CLCN4: variants seen among roughly 807,000 people sequenced by gnomAD.
The protein encoded by CLCN4 is Cl-/H+ antiporter 4.
CLCN4 carries 1 observed loss-of-function variant against 41.7 expected under a neutral mutation model. The ratio of observed to expected loss-of-function variants is 0.02; its 90% CI spans 0.01 to 0.11. CLCN4 has a LOEUF of 0.11. CLCN4 is among the 10% of genes least tolerant of loss of function. CLCN4 has a pLI of 1.00. For synonymous variants in CLCN4, 277 were observed against 285.8 expected (o/e 0.97, Z 0.31); for missense variants, 287 against 661.0 (o/e 0.43, Z 6.20).
At chrX:10,207,938 T>C (rs1008318120) in intron 8 of CLCN4, 107 bp from the exon 9 acceptor site, 4 of 638,835 alleles carry the variant, frequency 6.3e-6, no homozygotes, top group South Asian at 2.7e-5. Context: ...ATGGAATGAG[T>C]GTGTCCACTC....
chrX:10,207,906 T>C (rs758757447), intron 8 of CLCN4, 139 bp from the exon 9 acceptor site: 2 of 513,131 alleles, frequency 3.9e-6, no homozygotes, highest in Non-Finnish European at 6.7e-6. Context: ...TGATGCGTTT[T>C]GGTCACATTA....
At chrX:10,209,673 T>C (rs975419421) in intron 9 of CLCN4, among the ~76,000 whole-genome samples, 2 of 111,624 alleles carry the variant, frequency 1.8e-5, no homozygotes, top group Admixed American at 9.5e-5. Context: ...CAACAGCACA[T>C]GCCTTCATTA....
At chrX:10,164,843 A>C (rs1923203565) in intron 2 of CLCN4, among the ~76,000 whole-genome samples, 1 of 112,187 alleles carries the variant, frequency 8.9e-6, no homozygotes, top group Non-Finnish European at 1.9e-5. Flanking sequence ...GACACCTGAA[A>C]AGCTCTCTTT....
At chrX:10,214,593 C>G (rs1026679463) in intron 11 of CLCN4, among the ~76,000 whole-genome samples, 2 of 112,982 alleles carry the variant, frequency 1.8e-5, no homozygotes, top group African/African-American at 6.4e-5. Flanking sequence ...TTTTGCTTCA[C>G]TTTGTGATAT....
intron 12 of CLCN4, among the ~76,000 whole-genome samples, chrX:10,225,986 G>A (rs990362622): frequency 2.7e-5 from 3 of 111,600 alleles, no homozygotes; most frequent in African/African-American, 9.8e-5. Context: ...TGGCCATGTA[G>A]TATAGTTTGA....
intron 5 of CLCN4, among the ~76,000 whole-genome samples, chrX:10,196,006 G>A (rs1379460373): frequency 8.9e-6 from 1 of 112,241 alleles, no homozygotes; most frequent in Non-Finnish European, 1.9e-5. Flanking sequence ...TGGAGTTGCT[G>A]GGTCAGATGG....
chrX:10,222,783 G>C (rs951085464), intron 12 of CLCN4, among the ~76,000 whole-genome samples: 6 of 111,900 alleles, frequency 5.4e-5, no homozygotes, highest in Admixed American at 2.8e-4. Flanking sequence ...GCACACAGGG[G>C]GACAGGCTTT....
chrX:10,159,936 C>T (rs749368686), intron 2 of CLCN4, among the ~76,000 whole-genome samples: 1 of 110,944 alleles, frequency 9.0e-6, no homozygotes, highest in East Asian at 2.8e-4. Flanking sequence ...TCGACTATCT[C>T]GTCCTCAAAG....
chrX:10,234,880 G>C lies in CLCN4; in HGVS notation c.*1296G>C, dbSNP rs900401789. On this transcript the variant is annotated 3_prime_UTR_variant, in exon 13 of 13. Coordinates refer to ENST00000380833, the MANE Select transcript of CLCN4 (RefSeq NM_001830.4). ...CGGGAAGGAATTAAGCTATGTATTA[G>C]GTCCACCATACGATCTGTGTAAGTA... The C allele has an allele frequency of 8.9e-5, 10 of 112,115 alleles. No homozygotes were observed. The highest frequency in any genetic ancestry group is 1.5e-4 in the Non-Finnish European group (8 of 53,234). 9.2% of individuals were successfully genotyped at this position (112,115 alleles called of 1,213,427 possible).
rs188016571 is a variant in CLCN4 at position 10,168,284 on chromosome X, A to T, written c.-12+9733A>T. On this transcript the variant is annotated intron_variant, in intron 2 of 12. Coordinates refer to ENST00000380833, the MANE Select transcript of CLCN4 (RefSeq NM_001830.4). ...GGCATTCGGCCTTTGCAGATGCGGGATGTCATTTTTGATGCGAGCAGCCCC... is the reference window on the plus strand; with the variant it reads ...GGCATTCGGCCTTTGCAGATGCGGGTTGTCATTTTTGATGCGAGCAGCCCC... Among the ~76,000 whole-genome samples, 39 of 111,305 alleles carry T rather than the reference A, an allele frequency of 3.5e-4. No individual in the cohort carries two copies. In the East Asian group the frequency reaches 0.01, roughly 29 times the overall value.
Position 10,198,007 on chromosome X carries a change from T to C in CLCN4, c.501T>C (p.Ala167=). 1.7e-6 allele frequency: 2 copies of C among 1,211,060 alleles called. No homozygotes were observed. Among genetic ancestry groups the C allele is most frequent in the East Asian group, 3.0e-5 (1 of 33,835 alleles). ...GGGCGCTGCTGTTTGCATTTTTGGC[T>C]GTCTCCCTGGTGCGTGTATTTGCAC... ...ILWALLFAFL[A]VSLVRVFAPY... is the part of the protein sequence containing the mutation. The change falls in exon 6 of 13, where the codon GCT becomes GCC. Residue 167 remains alanine (A), a synonymous_variant. Transcript: ENST00000380833.
chrX:10,209,272 C>CCTCG (rs1924477307), intron 9 of CLCN4, among the ~76,000 whole-genome samples: 3 of 83,425 alleles, frequency 3.6e-5, no homozygotes, highest in African/African-American at 1.6e-4. Context: ...TTTCCTCCTC[C>CCTCG]CTCCCTCCCT....
At chrX:10,162,983 T>C (rs1714775811) in intron 2 of CLCN4, among the ~76,000 whole-genome samples, 1 of 113,307 alleles carries the variant, frequency 8.8e-6, no homozygotes, top group Admixed American at 9.3e-5. Flanking sequence ...TTCTGTGTAA[T>C]TGAAAATGTT....
chrX:10,215,131 T>A (rs777641823), intron 11 of CLCN4, among the ~76,000 whole-genome samples: 1 of 112,113 alleles, frequency 8.9e-6, no homozygotes, highest in South Asian at 3.7e-4. Context: ...ACTATATATC[T>A]TCTAGAGTAT....
At chrX:10,207,917 A>G (rs2147179395) in intron 8 of CLCN4, 128 bp from the exon 9 acceptor site, 1 of 563,115 alleles carries the variant, frequency 1.8e-6, no homozygotes, top group East Asian at 3.3e-5. Context: ...GGTCACATTA[A>G]GTCCAGGCTC....
At chrX:10,168,936 T>C (rs1923313779) in intron 2 of CLCN4, among the ~76,000 whole-genome samples, 1 of 111,018 alleles carries the variant, frequency 9.0e-6, no homozygotes, top group African/African-American at 3.3e-5. Flanking sequence ...GATGGAGTGG[T>C]ACCTCTTTCC....
At chrX:10,219,845 T>C (rs1326660849) in intron 11 of CLCN4, among the ~76,000 whole-genome samples, 1 of 112,026 alleles carries the variant, frequency 8.9e-6, no homozygotes, top group East Asian at 2.8e-4. Flanking sequence ...TGGAGAAATA[T>C]CTTGAGACCG....
chrX:10,212,416 C>G, intron 9 of CLCN4, 51 bp from the exon 10 acceptor site: 1 of 1,132,920 alleles, frequency 8.8e-7, no homozygotes, highest in Non-Finnish European at 1.2e-6. Context: ...GGTCGTGAAG[C>G]GGGGACTTGG....
At chrX:10,190,211 TA>T (rs1415807441) in intron 4 of CLCN4, among the ~76,000 whole-genome samples, 1 of 111,527 alleles carries the variant, frequency 9.0e-6, no homozygotes, top group Non-Finnish European at 1.9e-5. Flanking sequence ...TCAAAATTGC[TA>T]AAAGAGTAGA....
Sources: allele counts gnomAD v4.1 joint callset (sites outside exome capture counted in the v4.1 genomes callset), GRCh38; gene constraint gnomAD v4.1.1; transcripts MANE v1.5; gene names NCBI Gene and HGNC (gene_info 2026-07-23, HGNC 2026-07-21).